Variants in MAPT observed in about 807,000 individuals in gnomAD.
MAPT encodes the protein microtubule associated protein tau.
In MAPT, 34 loss-of-function variants were observed where a neutral mutation model predicts 67.9. That is an observed-to-expected ratio of 0.50 (90% CI 0.38 to 0.67). MAPT has a LOEUF of 0.67. Ranked by LOEUF, MAPT falls within the 30% of genes least tolerant of loss-of-function variation. The pLI, the probability that MAPT is intolerant of heterozygous loss-of-function variation, is 0.00. For missense variants in MAPT, 881 were observed against 1,115.2 expected (o/e 0.79, Z 2.99); for synonymous variants, 456 against 464.5 (o/e 0.98, Z 0.23).
chr17:45,957,961 G>C (rs1190171378), intron 1 of MAPT, among the ~76,000 whole-genome samples: 1 of 152,088 alleles, frequency 6.6e-6, no homozygotes, highest in African/African-American at 2.4e-5. Context: ...AATAAGACTT[G>C]AGATCCAAAG....
chr17:45,918,622 G>A (rs1385856961), intron 1 of MAPT, among the ~76,000 whole-genome samples: 1 of 152,258 alleles, frequency 6.6e-6, no homozygotes, highest in Non-Finnish European at 1.5e-5. Flanking sequence ...CATGCCTGCT[G>A]TAGTGAGCTT....
chr17:46,012,956 G>A (rs1598389406), intron 10 of MAPT, among the ~76,000 whole-genome samples: 3 of 152,046 alleles, frequency 2.0e-5, no homozygotes, highest in South Asian at 4.1e-4. Flanking sequence ...GATCATGTCC[G>A]CCCTGACACA....
At chr17:45,901,257 A>T (rs376777872) in intron 1 of MAPT, among the ~76,000 whole-genome samples, 1 of 152,148 alleles carries the variant, frequency 6.6e-6, no homozygotes, top group African/African-American at 2.4e-5. Context: ...ACCAGCCCAA[A>T]CTGACCTGCC....
intron 9 of MAPT, among the ~76,000 whole-genome samples, chr17:45,997,329 T>C (rs1278137330): frequency 6.6e-6 from 1 of 152,150 alleles, no homozygotes; most frequent in Non-Finnish European, 1.5e-5. Context: ...GTATGCCTCC[T>C]CACTAGCCAG....
At chr17:46,014,375 G>T (rs763176316) in intron 11 of MAPT, 51 bp downstream of exon 11, 1 of 1,277,106 alleles carries the variant, frequency 7.8e-7, no homozygotes, top group South Asian at 1.2e-5. Context: ...GGGGGTGGAG[G>T]AGTCCTGGTG....
At chr17:45,922,203 G>T (rs1033643180) in intron 1 of MAPT, among the ~76,000 whole-genome samples, 1 of 151,966 alleles carries the variant, frequency 6.6e-6, no homozygotes, top group Non-Finnish European at 1.5e-5. Flanking sequence ...AATAGAGACG[G>T]CCCGAAGTGC....
chr17:45,920,377 G>T (rs2065585237), intron 1 of MAPT, among the ~76,000 whole-genome samples: 1 of 152,192 alleles, frequency 6.6e-6, no homozygotes, highest in African/African-American at 2.4e-5. Context: ...TGCAGATACT[G>T]TCTCTGTTTT....
intron 1 of MAPT, among the ~76,000 whole-genome samples, chr17:45,904,058 A>ATTATATATTATATAT (rs1308671861): frequency 6.7e-5 from 1 of 15,000 alleles, no homozygotes; most frequent in African/African-American, 2.0e-4. Context: ...TATATTATAT[A>ATTATATATTATATAT]TTATATATTA....
chr17:45,924,392 G>A (rs1200024852), intron 1 of MAPT, among the ~76,000 whole-genome samples: 1 of 152,200 alleles, frequency 6.6e-6, no homozygotes, highest in East Asian at 1.9e-4. Flanking sequence ...GCAGGAGTGC[G>A]GTCGACTCCC....
At position 45,991,558 on chromosome 17, in the gene MAPT, G is replaced by T. The variant is rs1052551; in HGVS notation, c.1704G>T (p.Pro568=). ...ANATRIPAKT[P]PAPKTPPSSG... ...CCACCAGGATTCCAGCAAAAACCCC[G>T]CCCGCTCCAAAGACACCACCCAGCT... The change falls in exon 8 of 13, where the codon CCG becomes CCT. Residue 568 remains proline, a synonymous_variant. Transcript: ENST00000262410. 67 of 1,613,900 alleles carry T rather than the reference G, an allele frequency of 4.2e-5. No homozygotes were observed. In the South Asian group the frequency reaches 7.0e-4, roughly 17 times the overall value.
intron 1 of MAPT, among the ~76,000 whole-genome samples, chr17:45,914,864 G>A (rs1295728194): frequency 6.6e-6 from 1 of 151,486 alleles, no homozygotes; most frequent in Non-Finnish European, 1.5e-5. Flanking sequence ...GGGACTATAG[G>A]CACGCATACC....
chr17:45,913,326 A>G (rs932623157), intron 1 of MAPT, among the ~76,000 whole-genome samples: 3 of 152,210 alleles, frequency 2.0e-5, no homozygotes, highest in Non-Finnish European at 4.4e-5. Flanking sequence ...AGAGAACAGC[A>G]CAGAAAAGAC....
intron 1 of MAPT, among the ~76,000 whole-genome samples, chr17:45,916,018 C>T (rs556595278): frequency 1.4e-4 from 22 of 152,276 alleles, no homozygotes; most frequent in Non-Finnish European, 1.9e-4. Context: ...CTTCCGTGGG[C>T]GGATTCACAC....
intron 9 of MAPT, among the ~76,000 whole-genome samples, chr17:45,997,719 C>T (rs2074613635): frequency 6.6e-6 from 1 of 152,140 alleles, no homozygotes; most frequent in Non-Finnish European, 1.5e-5. Context: ...GAGATAGTGC[C>T]ACTGCACTCC....
At chr17:45,964,556 C>G (rs914613483) in intron 2 of MAPT, among the ~76,000 whole-genome samples, 2 of 151,904 alleles carry the variant, frequency 1.3e-5, no homozygotes, top group African/African-American at 4.8e-5. Flanking sequence ...TAGTGGCATG[C>G]ACCTATAGTC....
At chr17:45,918,724 C>T (rs1296253089) in intron 1 of MAPT, among the ~76,000 whole-genome samples, 1 of 152,154 alleles carries the variant, frequency 6.6e-6, no homozygotes, top group African/African-American at 2.4e-5. Flanking sequence ...CTATAAAGAC[C>T]TACCTGAGAC....
At chr17:45,952,275 G>A (rs1301028612) in intron 1 of MAPT, among the ~76,000 whole-genome samples, 1 of 152,144 alleles carries the variant, frequency 6.6e-6, no homozygotes, top group Non-Finnish European at 1.5e-5. Context: ...TTCTGGAGGA[G>A]GTGGGCAGCA....
chr17:45,903,539 C>A (rs1000285900), intron 1 of MAPT, among the ~76,000 whole-genome samples: 17 of 150,690 alleles, frequency 1.1e-4, no homozygotes, highest in African/African-American at 3.9e-4. Flanking sequence ...CTTTGTGAAA[C>A]CCCGTCTCTA....
At chr17:45,935,712 G>A (rs1312368148) in intron 1 of MAPT, among the ~76,000 whole-genome samples, 1 of 152,024 alleles carries the variant, frequency 6.6e-6, no homozygotes, top group African/African-American at 2.4e-5. Flanking sequence ...CCCTTTGCCT[G>A]GTAATGTCCC....
Sources: gnomAD v4.1 joint callset for allele counts (sites outside exome capture counted in the v4.1 genomes callset) on GRCh38, gnomAD v4.1.1 for gene constraint, MANE v1.5 for transcripts, NCBI Gene and HGNC (gene_info 2026-07-23, HGNC 2026-07-21) for gene names.